The following ARHGEF28 variants were observed in gnomAD, a reference collection of about 807,000 sequenced individuals.
ARHGEF28 encodes the protein Rho guanine nucleotide exchange factor 28.
A neutral mutation model predicts 206.6 loss-of-function variants in ARHGEF28; 152 were observed. The observed-to-expected ratio is 0.74, with a 90% CI of 0.64 to 0.84. The LOEUF is 0.84. Among genes scored for constraint, ARHGEF28 ranks in the 40% least tolerant of loss-of-function variants. The pLI, the probability that ARHGEF28 is intolerant of heterozygous loss-of-function variation, is 0.00. For synonymous variants in ARHGEF28, 763 were observed against 776.4 expected (o/e 0.98, Z 0.29); for missense variants, 2,028 against 2,073.2 (o/e 0.98, Z 0.42).
chr5:73,653,499 T>A lies in ARHGEF28; in HGVS notation c.-12+27177T>A, dbSNP rs141479896. Among the ~76,000 whole-genome samples, 12 of 152,346 alleles carry A rather than the reference T, an allele frequency of 7.9e-5. No homozygotes were observed. The East Asian group carries it at 2.3e-3, about 29-fold the overall frequency. ...CTCTTAACTTCGGGATGGAGATTCC[T>A]GTCCTCAGTGCAGCATGCAAGGTGC... On this transcript the variant is annotated intron_variant, in intron 1 of 35. Transcript: ENST00000513042.
chr5:73,740,848 A>G (rs1751338249), intron 2 of ARHGEF28, among the ~76,000 whole-genome samples: 1 of 152,158 alleles, frequency 6.6e-6, no homozygotes, highest in South Asian at 2.1e-4. Context: ...ATTTTCATCA[A>G]TATAGGGTAG....
At chr5:73,642,177 T>G (rs918491326) in intron 1 of ARHGEF28, among the ~76,000 whole-genome samples, 2 of 152,190 alleles carry the variant, frequency 1.3e-5, no homozygotes, top group African/African-American at 4.8e-5. Context: ...GATCTGAAAT[T>G]TTTCCTGCCT....
intron 2 of ARHGEF28, among the ~76,000 whole-genome samples, chr5:73,747,978 C>G (rs561735256): frequency 1.3e-5 from 2 of 152,078 alleles, no homozygotes; most frequent in Non-Finnish European, 2.9e-5. Flanking sequence ...GATTAGATAT[C>G]CTTGTGATCT....
chr5:73,772,122 T>A (rs1753258525), intron 4 of ARHGEF28, among the ~76,000 whole-genome samples: 1 of 152,140 alleles, frequency 6.6e-6, no homozygotes, highest in African/African-American at 2.4e-5. Flanking sequence ...GATATATAAA[T>A]AATTAAAAAT....
chr5:73,708,607 C>T (rs1231052398), intron 2 of ARHGEF28, among the ~76,000 whole-genome samples: 1 of 152,096 alleles, frequency 6.6e-6, no homozygotes, highest in Non-Finnish European at 1.5e-5. Context: ...TTCACTCTAC[C>T]ATTGATGGAC....
chr5:73,904,160 CT>C, intron 31 of ARHGEF28, 61 bp from the exon 32 acceptor site: 1 of 1,563,284 alleles, frequency 6.4e-7, no homozygotes, highest in Non-Finnish European at 8.8e-7. Flanking sequence ...TTTTGGGACA[CT>C]GCAGGGCAGC....
chr5:73,887,981 C>T (rs957722710), intron 26 of ARHGEF28, among the ~76,000 whole-genome samples: 3 of 152,178 alleles, frequency 2.0e-5, no homozygotes, highest in Non-Finnish European at 4.4e-5. Flanking sequence ...CCTGAGCCTC[C>T]CAAATGTCCC....
At chr5:73,825,623 G>A (rs912588090) in intron 9 of ARHGEF28, among the ~76,000 whole-genome samples, 1 of 152,228 alleles carries the variant, frequency 6.6e-6, no homozygotes, top group Non-Finnish European at 1.5e-5. Context: ...CCAAGAGTAG[G>A]AGCAGAGAGA....
At chr5:73,790,897 G>A (rs1754441134) in intron 7 of ARHGEF28, among the ~76,000 whole-genome samples, 1 of 152,212 alleles carries the variant, frequency 6.6e-6, no homozygotes, top group African/African-American at 2.4e-5. Context: ...ACTAAGTGGA[G>A]AGGAAAAGGG....
intron 9 of ARHGEF28, among the ~76,000 whole-genome samples, chr5:73,809,877 G>T (rs975097938): frequency 2.0e-5 from 3 of 152,140 alleles, no homozygotes; most frequent in Non-Finnish European, 4.4e-5. Flanking sequence ...ATGGTGAAAG[G>T]GTGGCCTGGG....
At chr5:73,774,857 G>T (rs967284789) in intron 5 of ARHGEF28, among the ~76,000 whole-genome samples, 2 of 152,192 alleles carry the variant, frequency 1.3e-5, no homozygotes, top group African/African-American at 4.8e-5. Context: ...ACCATTGTTA[G>T]AGTAAATGCT....
At chr5:73,821,012 A>T (rs1756552798) in intron 9 of ARHGEF28, among the ~76,000 whole-genome samples, 1 of 152,156 alleles carries the variant, frequency 6.6e-6, no homozygotes, top group Non-Finnish European at 1.5e-5. Flanking sequence ...ACTGTTCTTC[A>T]GAGGCAGGGA....
At chr5:73,707,343 G>A (rs1029106241) in intron 2 of ARHGEF28, among the ~76,000 whole-genome samples, 4 of 152,156 alleles carry the variant, frequency 2.6e-5, no homozygotes, top group Admixed American at 2.0e-4. Flanking sequence ...AAGTGTGGAA[G>A]GAAATCCACC....
chr5:73,841,864 C>T (rs541994298), intron 11 of ARHGEF28, among the ~76,000 whole-genome samples: 5 of 151,986 alleles, frequency 3.3e-5, no homozygotes, highest in Non-Finnish European at 7.4e-5. Flanking sequence ...TGGCCAGTAT[C>T]CAAGTTTCAA....
At chr5:73,827,266 G>A (rs1301007564) in intron 9 of ARHGEF28, among the ~76,000 whole-genome samples, 1 of 152,244 alleles carries the variant, frequency 6.6e-6, no homozygotes, top group East Asian at 1.9e-4. Context: ...AATGTGCTTC[G>A]TGAAGCAAAT....
At chr5:73,765,691 C>T (rs1752855196) in intron 4 of ARHGEF28, among the ~76,000 whole-genome samples, 1 of 152,200 alleles carries the variant, frequency 6.6e-6, no homozygotes, top group South Asian at 2.1e-4. Flanking sequence ...ATCTTTGTAT[C>T]CACAGGGCCT....
At chr5:73,780,094 T>C (rs772914558) in intron 6 of ARHGEF28, among the ~76,000 whole-genome samples, 1 of 152,182 alleles carries the variant, frequency 6.6e-6, no homozygotes, top group Non-Finnish European at 1.5e-5. Flanking sequence ...TCACTGGCTG[T>C]GGGGAATCTG....
At position 73,891,026 on chromosome 5, in the gene ARHGEF28, A is replaced by C. The variant is rs117699161; in HGVS notation, c.3388-1026A>C. Among the ~76,000 whole-genome samples the C allele has an allele frequency of 8.3e-4, 126 of 152,232 alleles. 1 individual carries two copies. In the East Asian group the frequency reaches 0.023, roughly 28 times the overall value. On this transcript the variant is annotated intron_variant, in intron 26 of 35. Transcript: ENST00000513042. ...TCATGGCGTACATGCCAAATTTTAG[A>C]CTTTCTTCCTATTACCCTGTGGTGG...
chr5:73,742,781 G>A (rs1196705197), intron 2 of ARHGEF28, among the ~76,000 whole-genome samples: 3 of 143,004 alleles, frequency 2.1e-5, no homozygotes, highest in Middle Eastern at 3.4e-3. Flanking sequence ...CCGAGATTGC[G>A]CCACTGCAGT....
Sources: gnomAD v4.1 joint callset for allele counts (sites outside exome capture counted in the v4.1 genomes callset) on GRCh38, gnomAD v4.1.1 for gene constraint, MANE v1.5 for transcripts, NCBI Gene and HGNC (gene_info 2026-07-23, HGNC 2026-07-21) for gene names.